Variants in DAB2IP observed in about 807,000 individuals in gnomAD.
DAB2IP encodes the protein DAB2 interacting protein.
A neutral mutation model predicts 107.2 loss-of-function variants in DAB2IP; 28 were observed. The observed-to-expected ratio is 0.26, with a 90% CI of 0.19 to 0.36. DAB2IP has a LOEUF of 0.36. DAB2IP is among the 10% of genes least tolerant of loss of function. The pLI is 1.00. For synonymous variants in DAB2IP, 755 were observed against 706.4 expected, an observed-to-expected ratio of 1.07 and a Z score of -1.09; for missense variants, 1,400 against 1,644.7, an observed-to-expected ratio of 0.85 and a Z score of 2.57.
intron 1 of DAB2IP, among the ~76,000 whole-genome samples, chr9:121,640,812 C>T (rs981934063): frequency 6.6e-6 from 1 of 152,182 alleles, no homozygotes; most frequent in Non-Finnish European, 1.5e-5. Flanking sequence ...GTGGGCTGAC[C>T]ACTAGATCTC....
At chr9:121,608,397 G>A (rs1347331585) in intron 1 of DAB2IP, among the ~76,000 whole-genome samples, 1 of 152,200 alleles carries the variant, frequency 6.6e-6, no homozygotes, top group Non-Finnish European at 1.5e-5. Context: ...AGGGAAGCGG[G>A]TTGGTGGAAA....
intron 1 of DAB2IP, among the ~76,000 whole-genome samples, chr9:121,623,446 A>G (rs1304438169): frequency 6.6e-6 from 1 of 152,142 alleles, no homozygotes; most frequent in Non-Finnish European, 1.5e-5. Context: ...TGCTCACTGC[A>G]GCCTTGACCT....
rs955106794 is a variant in DAB2IP at position 121,580,247 on chromosome 9, C to T, written c.40+13019C>T. On this transcript the variant is annotated intron_variant, in intron 1 of 16. Coordinates refer to the DAB2IP transcript ENST00000259371. ...CATGCTGGGTGCTAGAGGGGAAGCA[C>T]GCACCCAGGGAAGCATGAGGCTGGG... 5.9e-5 allele frequency among the ~76,000 whole-genome samples: 9 copies of T among 152,112 alleles called. No homozygotes were observed. The South Asian group carries it at 6.2e-4, about 11-fold the overall frequency.
At chr9:121,624,352 G>A (rs1217722818) in intron 1 of DAB2IP, among the ~76,000 whole-genome samples, 1 of 152,258 alleles carries the variant, frequency 6.6e-6, no homozygotes, top group Non-Finnish European at 1.5e-5. Context: ...GCAGGGTGGA[G>A]TGGTGGCTGA....
At chr9:121,763,213 G>A (rs1834019418) in intron 6 of DAB2IP, among the ~76,000 whole-genome samples, 1 of 152,286 alleles carries the variant, frequency 6.6e-6, no homozygotes, top group East Asian at 1.9e-4. Flanking sequence ...ATTCTCTGTG[G>A]TGGTGGGGGC....
chr9:121,685,253 C>CG (rs1275944695), intron 2 of DAB2IP, among the ~76,000 whole-genome samples: 5 of 152,214 alleles, frequency 3.3e-5, no homozygotes, highest in Admixed American at 2.6e-4. Flanking sequence ...CTGCCTTCCG[C>CG]GGGGGGCATC....
rs56110826 is a variant in DAB2IP, at chr9:121,634,716, C to T, written c.41-43962C>T. Reference sequence around the variant, plus strand: ...CGGGAGATGTAACTGGGTAGCCTACCCAGACCCCTGGCCCTGGTGGTCTAG... The same window carrying T: ...CGGGAGATGTAACTGGGTAGCCTACTCAGACCCCTGGCCCTGGTGGTCTAG... On this transcript the variant is annotated intron_variant, in intron 1 of 16. Coordinates refer to the DAB2IP transcript ENST00000259371. The surrounding 1 kb of genome is among the most constrained non-coding windows in gnomAD (Gnocchi z 4.7). 0.06 allele frequency among the ~76,000 whole-genome samples: 9,112 copies of T among 152,174 alleles called. 908 individuals are homozygous for T. The highest frequency in any genetic ancestry group is 0.21 in the African/African-American group (8,581 of 41,462).
chr9:121,567,863 G>A (rs1218476094), intron 1 of DAB2IP, among the ~76,000 whole-genome samples: 1 of 152,178 alleles, frequency 6.6e-6, no homozygotes, highest in East Asian at 1.9e-4. Context: ...CTCCAGCGAC[G>A]CAGTAACTCA....
intron 10 of DAB2IP, among the ~76,000 whole-genome samples, chr9:121,769,427 A>G (rs902119091): frequency 6.6e-6 from 1 of 152,214 alleles, no homozygotes; most frequent in Non-Finnish European, 1.5e-5. Context: ...AAGCAAGAAC[A>G]TACTGTGTAT....
At chr9:121,783,353 C>G in exon 16 of DAB2IP, 1 of 1,475,444 alleles carries the variant, frequency 6.8e-7, no homozygotes, top group East Asian at 2.4e-5. Context: ...TGGCTCTGAG[C>G]ACTGTATCTG....
rs149614497 is a variant in DAB2IP, at chr9:121,668,436, G to A, written c.125-10242G>A. On this transcript the variant is annotated intron_variant, in intron 1 of 15. Transcript: ENST00000408936. ...AACTTTTCTTAGAGATGGTGGTCTCGCTGTGTTACCCAGGCTGGTCTTGAA... is the reference window on the plus strand; with the variant it reads ...AACTTTTCTTAGAGATGGTGGTCTCACTGTGTTACCCAGGCTGGTCTTGAA... Among the ~76,000 whole-genome samples the A allele has an allele frequency of 3.5e-3, 540 of 152,120 alleles. 2 individuals carry two copies. The highest frequency in any genetic ancestry group is 0.012 in the African/African-American group (495 of 41,510).
chr9:121,733,575 C>T (rs1831673338), intron 3 of DAB2IP, among the ~76,000 whole-genome samples: 1 of 152,154 alleles, frequency 6.6e-6, no homozygotes. Flanking sequence ...TCCCTTAGGC[C>T]CTGAGAACCA....
chr9:121,773,316 G>GC lies in DAB2IP; in HGVS notation c.2794dup (p.Arg932ProfsTer28). On this transcript the variant is annotated frameshift_variant, in exon 12 of 16. Coordinates refer to ENST00000408936, the Ensembl canonical transcript of DAB2IP. LOFTEE classifies it high-confidence loss of function. ...GCCCCCACCCCCGCCGCCACCTCCT[G>GC]CCCCCCGCGGCCGGACGCCCCCCAA... 7.0e-7 allele frequency: 1 copy of GC among 1,426,350 alleles called. No individual in the cohort carries two copies. 88.4% of individuals were successfully genotyped at this position (1,426,350 alleles called of 1,614,324 possible).
chr9:121,605,366 C>G (rs1226312206), intron 1 of DAB2IP, among the ~76,000 whole-genome samples: 3 of 152,142 alleles, frequency 2.0e-5, no homozygotes, highest in Admixed American at 6.6e-5. Flanking sequence ...AAACTTTATT[C>G]TGGCTGTGTG....
chr9:121,739,981 A>G (rs1385007563), intron 3 of DAB2IP, among the ~76,000 whole-genome samples: 1 of 152,210 alleles, frequency 6.6e-6, no homozygotes, highest in Non-Finnish European at 1.5e-5. Context: ...AGTAAGGCAC[A>G]GAAACTGGTT....
At chr9:121,689,497 G>C (rs1305650122) in intron 2 of DAB2IP, among the ~76,000 whole-genome samples, 1 of 152,122 alleles carries the variant, frequency 6.6e-6, no homozygotes, top group African/African-American at 2.4e-5. Flanking sequence ...TGGATTTATG[G>C]AGTTTCCCCC....
intron 3 of DAB2IP, among the ~76,000 whole-genome samples, chr9:121,741,270 G>A (rs897569679): frequency 1.3e-5 from 2 of 152,230 alleles, no homozygotes; most frequent in African/African-American, 2.4e-5. Context: ...CAACAGGCGT[G>A]TAGGGTGGCC....
chr9:121,650,226 G>A (rs545252973), upstream of DAB2IP, among the ~76,000 whole-genome samples: 1 of 152,312 alleles, frequency 6.6e-6, no homozygotes, highest in Non-Finnish European at 1.5e-5. Flanking sequence ...GAGGGGACCA[G>A]GGCAGCTGAT....
chr9:121,766,403 G>A (rs1834282481), intron 8 of DAB2IP, 91 bp from the exon 9 acceptor site: 10 of 1,262,072 alleles, frequency 7.9e-6, no homozygotes, highest in Non-Finnish European at 2.2e-6. Flanking sequence ...GCGGGGTAGA[G>A]CCAAGGTTGG....
Sources: gnomAD v4.1 joint callset for allele counts (sites outside exome capture counted in the v4.1 genomes callset) on GRCh38, gnomAD v4.1.1 for gene constraint, Gnocchi (gnomAD v3.1) non-coding constraint, MANE v1.5 for transcripts, NCBI Gene and HGNC (gene_info 2026-07-23, HGNC 2026-07-21) for gene names.